Variants in UBTD2 observed in about 807,000 individuals in gnomAD.
The protein encoded by UBTD2 is ubiquitin domain containing 2.
In UBTD2, 9 loss-of-function variants were observed where a neutral mutation model predicts 19.8. That is an observed-to-expected ratio of 0.46 (90% CI 0.27 to 0.79). The LOEUF is 0.79. Ranked by LOEUF, UBTD2 falls within the 30% of genes least tolerant of loss-of-function variation. UBTD2 has a pLI of 0.14. For synonymous variants in UBTD2, 98 were observed against 103.9 expected (o/e 0.94, Z 0.35); for missense variants, 250 against 300.4 (o/e 0.83, Z 1.24).
intron 2 of UBTD2, among the ~76,000 whole-genome samples, chr5:172,232,317 A>T (rs1421285752): frequency 7.2e-4 from 21 of 29,322 alleles, no homozygotes; most frequent in Non-Finnish European, 9.3e-4. Flanking sequence ...TCACTGTCAT[A>T]AAAAAAAAAA....
chr5:172,233,596 G>C (rs1200983537), intron 2 of UBTD2, among the ~76,000 whole-genome samples: 1 of 152,118 alleles, frequency 6.6e-6, no homozygotes, highest in Non-Finnish European at 1.5e-5. Context: ...ATGGAAAACT[G>C]TCCTTAAAAA....
At chr5:172,234,866 C>G (rs1394996294) in intron 1 of UBTD2, among the ~76,000 whole-genome samples, 4 of 70,154 alleles carry the variant, frequency 5.7e-5, no homozygotes, top group African/African-American at 2.3e-4. Flanking sequence ...CATGATCATG[C>G]CACTGCACTT....
chr5:172,283,497 GGGCGCGGGGGCCCGGCGCGGCCCGC>G lies in UBTD2; in HGVS notation c.70+74_70+98del. 1 of 959,518 alleles carries G rather than the reference GGGCGCGGGGGCCCGGCGCGGCCCGC, an allele frequency of 1.0e-6. No individual in the cohort carries two copies. The highest frequency in any genetic ancestry group is 1.4e-6 in the Non-Finnish European group (1 of 740,450). The allele number at this position is 959,518 out of a possible 1,614,324, so 59.4% of individuals were successfully genotyped here. Reference sequence around the variant, plus strand: ...TGACGTGGAAGAGGGGATGACAAAGGGGCGCGGGGGCCCGGCGCGGCCCGCGGGGGTCGGGACAGGTGGCCGGGCC... The same window carrying G: ...TGACGTGGAAGAGGGGATGACAAAGGGGGGGTCGGGACAGGTGGCCGGGCC... On this transcript the variant is annotated intron_variant, in intron 1 of 2. Transcript: ENST00000393792. The surrounding 1 kb of genome is among the most constrained non-coding windows in gnomAD (Gnocchi z 4.3).
intron 2 of UBTD2, among the ~76,000 whole-genome samples, chr5:172,228,591 C>CGG (rs1771819906): frequency 6.6e-6 from 1 of 152,030 alleles, no homozygotes; most frequent in South Asian, 2.1e-4. Flanking sequence ...CGTGGTGCTG[C>CGG]ACGCCTGTAA....
At chr5:172,252,629 T>C (rs191096339) in intron 1 of UBTD2, among the ~76,000 whole-genome samples, 39 of 152,302 alleles carry the variant, frequency 2.6e-4, no homozygotes, top group African/African-American at 9.1e-4. Flanking sequence ...GGACTCTTTC[T>C]TCAAGGTGGT....
At chr5:172,276,804 C>T (rs947864174) in intron 1 of UBTD2, among the ~76,000 whole-genome samples, 3 of 152,104 alleles carry the variant, frequency 2.0e-5, no homozygotes, top group African/African-American at 4.8e-5. Context: ...GGCACAGTGG[C>T]TCACAACTGT....
intron 2 of UBTD2, among the ~76,000 whole-genome samples, chr5:172,225,285 T>C (rs1356284386): frequency 6.6e-6 from 1 of 152,230 alleles, no homozygotes; most frequent in Non-Finnish European, 1.5e-5. Context: ...TTTCTATTTA[T>C]CTTTTATCTA....
At chr5:172,249,171 G>A (rs376788177) in intron 1 of UBTD2, among the ~76,000 whole-genome samples, 1 of 152,002 alleles carries the variant, frequency 6.6e-6, no homozygotes, top group South Asian at 2.1e-4. Flanking sequence ...GCCGAGGCGG[G>A]TGTATCAGTT....
intron 1 of UBTD2, among the ~76,000 whole-genome samples, chr5:172,260,712 G>T (rs905404499): frequency 6.6e-6 from 1 of 152,136 alleles, no homozygotes; most frequent in African/African-American, 2.4e-5. Context: ...TACAGGTTAA[G>T]TGTCTCACTC....
intron 1 of UBTD2, among the ~76,000 whole-genome samples, chr5:172,240,661 T>G (rs1407537873): frequency 6.6e-6 from 1 of 152,248 alleles, no homozygotes; most frequent in South Asian, 2.1e-4. Context: ...AGCTCTCAGA[T>G]CCTACAAAAC....
intron 1 of UBTD2, among the ~76,000 whole-genome samples, chr5:172,276,120 TCCCAAGGTGATG>T (rs1197548877): frequency 6.6e-6 from 1 of 152,170 alleles, no homozygotes; most frequent in Non-Finnish European, 1.5e-5. Context: ...TCTAACATGC[TCCCAAGGTGATG>T]CCGATATTGC....
chr5:172,274,937 G>T (rs936915720), intron 1 of UBTD2, among the ~76,000 whole-genome samples: 1 of 152,216 alleles, frequency 6.6e-6, no homozygotes, highest in East Asian at 1.9e-4. Flanking sequence ...TTGGGAGGAT[G>T]AGGCAGGAGA....
chr5:172,273,523 A>T (rs1755540651), intron 1 of UBTD2, among the ~76,000 whole-genome samples: 1 of 143,902 alleles, frequency 6.9e-6, no homozygotes, highest in African/African-American at 2.6e-5. Flanking sequence ...CCTGGGAGGC[A>T]GAGGTTGCAG....
At chr5:172,229,970 A>C (rs1771856798) in intron 2 of UBTD2, among the ~76,000 whole-genome samples, 1 of 152,204 alleles carries the variant, frequency 6.6e-6, no homozygotes. Context: ...AGAAAAAGGA[A>C]ATAAGCTCTT....
At chr5:172,249,173 G>A (rs1581223597) in intron 1 of UBTD2, among the ~76,000 whole-genome samples, 1 of 151,966 alleles carries the variant, frequency 6.6e-6, no homozygotes, top group African/African-American at 2.4e-5. Flanking sequence ...CGAGGCGGGT[G>A]TATCAGTTGT....
chr5:172,230,926 G>A (rs963060871), intron 2 of UBTD2, among the ~76,000 whole-genome samples: 1 of 152,012 alleles, frequency 6.6e-6, no homozygotes, highest in African/African-American at 2.4e-5. Context: ...TGGGACTATA[G>A]GCGCCTGCCA....
Position 172,234,285 on chromosome 5 carries a change from T to C in UBTD2, c.144A>G (p.Gly48=). ...KWKSDYPMTD[G]QLRSKRDEFW... ...ATTCATCCCTCTTGCTGCGTAGTTGTCCATCTGTCATAGGATAATCGCTTT... is the reference window on the plus strand; with the variant it reads ...ATTCATCCCTCTTGCTGCGTAGTTGCCCATCTGTCATAGGATAATCGCTTT... Residue 48 remains glycine, a synonymous_variant, in exon 2 of 3, where the codon GGA becomes GGG. Coordinates refer to ENST00000393792, the MANE Select transcript of UBTD2 (RefSeq NM_152277.3). The C allele has an allele frequency of 6.2e-7, 1 of 1,614,226 alleles. No individual in the cohort carries two copies.
chr5:172,228,584 G>A (rs1771819455), intron 2 of UBTD2, among the ~76,000 whole-genome samples: 1 of 152,016 alleles, frequency 6.6e-6, no homozygotes, highest in South Asian at 2.1e-4. Flanking sequence ...AGATGGGCGT[G>A]GTGCTGCACG....
rs70982379 is a variant in UBTD2 at position 172,246,751 on chromosome 5, C to CTTTTT, written c.71-12398_71-12394dup. Among the ~76,000 whole-genome samples the CTTTTT allele has an allele frequency of 1.5e-3, 91 of 62,496 alleles. 12 individuals are homozygous for CTTTTT. The highest frequency in any genetic ancestry group is 4.0e-3 in the South Asian group (6 of 1,502). 41.0% of individuals were successfully genotyped at this position (62,496 alleles called of 152,430 possible). A position where few individuals can be genotyped will look rare whatever the true frequency, so the allele number is the denominator to read the frequency against. ...GAGCCACCACGCCCAGCCGAGATTG[C>CTTTTT]TTTTTTTTTTTTTTTTTTTTTTTTT... is the stretch of plus-strand genomic sequence containing the variant. On this transcript the variant is annotated intron_variant, in intron 1 of 2. Coordinates refer to ENST00000393792, the MANE Select transcript of UBTD2 (RefSeq NM_152277.3).
Sources: allele counts gnomAD v4.1 joint callset (sites outside exome capture counted in the v4.1 genomes callset), GRCh38; gene constraint gnomAD v4.1.1; non-coding constraint Gnocchi (gnomAD v3.1); transcripts MANE v1.5; gene names NCBI Gene and HGNC (gene_info 2026-07-23, HGNC 2026-07-21).